The following HIPK2 variants were observed in gnomAD, a reference collection of about 807,000 sequenced individuals.
The protein encoded by HIPK2 is homeodomain interacting protein kinase 2.
Under a neutral mutation model 113.7 loss-of-function variants are expected in HIPK2, and 27 were observed. That is an observed-to-expected ratio of 0.24 (90% CI 0.17 to 0.33). The LOEUF is 0.33. Ranked by LOEUF, HIPK2 falls within the 10% of genes least tolerant of loss-of-function variation. The pLI is 1.00. For synonymous variants in HIPK2, 631 were observed against 642.2 expected (o/e 0.98, Z 0.26); for missense variants, 1,257 against 1,588.0 (o/e 0.79, Z 3.54).
intron 13 of HIPK2, 192 bp downstream of exon 13, chr7:139,583,625 G>A (rs1032665558): frequency 1.6e-4 from 112 of 721,752 alleles, no homozygotes; most frequent in Non-Finnish European, 2.3e-4. Context: ...GAAGGAAAAC[G>A]CTGCTTATAC....
rs760354667 is a variant in HIPK2, at chr7:139,633,950, G to GA, written c.1104-2226dup. 1.2e-3 allele frequency among the ~76,000 whole-genome samples: 146 copies of GA among 126,268 alleles called. 1 individual carries two copies. Among genetic ancestry groups the GA allele is most frequent in the South Asian group, 0.01 (38 of 3,762 alleles). The allele number at this position is 126,268 out of a possible 152,430, so 82.8% of individuals were successfully genotyped here. A position where few individuals can be genotyped will look rare whatever the true frequency, so the allele number is the denominator to read the frequency against. Reference sequence around the variant, plus strand: ...ACAGAGTAAGAGTCCGTCGCAAAAAGAAAAAAAAAAAAAGCCAGGCATGGA... The same window carrying GA: ...ACAGAGTAAGAGTCCGTCGCAAAAAGAAAAAAAAAAAAAAGCCAGGCATGGA... On this transcript the variant is annotated intron_variant, in intron 2 of 14. Transcript: ENST00000406875.
chr7:139,627,536 G>C (rs1481135533), intron 5 of HIPK2, among the ~76,000 whole-genome samples: 1 of 152,148 alleles, frequency 6.6e-6, no homozygotes, highest in East Asian at 1.9e-4. Flanking sequence ...TCTATACTAG[G>C]ATCGACTTTA....
At chr7:139,739,487 T>C (rs2117069327) in intron 1 of HIPK2, among the ~76,000 whole-genome samples, 1 of 151,742 alleles carries the variant, frequency 6.6e-6, no homozygotes, top group East Asian at 1.9e-4. Flanking sequence ...CTCGGGAGGC[T>C]GAGGCAGGAG....
In HIPK2 at chr7:139,564,046, C is replaced by A; in HGVS notation, c.*8881G>T. 2.5e-6 allele frequency: 1 copy of A among 398,050 alleles called. No individual in the cohort carries two copies. The highest frequency in any genetic ancestry group is 4.4e-6 in the Non-Finnish European group (1 of 226,040). 24.7% of individuals were successfully genotyped at this position (398,050 alleles called of 1,614,324 possible). ...TTAGAGTGGGTCTCAATGGACCAGG[C>A]TGAGCTGCCCCTCTGTCTCTGCCTC... On this transcript the variant is annotated 3_prime_UTR_variant, in exon 15 of 15. Transcript: ENST00000406875.
chr7:139,591,412 T>A (rs1211745761), intron 12 of HIPK2, among the ~76,000 whole-genome samples: 2 of 152,180 alleles, frequency 1.3e-5, no homozygotes, highest in African/African-American at 4.8e-5. Flanking sequence ...TTTTGACTCA[T>A]CTTTCCTCAT....
At chr7:139,768,792 C>T (rs942502364) in intron 1 of HIPK2, among the ~76,000 whole-genome samples, 1 of 152,164 alleles carries the variant, frequency 6.6e-6, no homozygotes, top group Admixed American at 6.5e-5. Flanking sequence ...GGAGCCCCAC[C>T]TGGCAGTGCA....
intron 2 of HIPK2, among the ~76,000 whole-genome samples, chr7:139,703,859 C>T (rs1459457078): frequency 0.011 from 66 of 6,120 alleles, 1 homozygote; most frequent in African/African-American, 0.04. Context: ...CTATACCCAA[C>T]CTACACACCC....
intron 2 of HIPK2, among the ~76,000 whole-genome samples, chr7:139,670,712 T>G (rs1229426200): frequency 6.7e-6 from 1 of 149,798 alleles, no homozygotes; most frequent in East Asian, 2.0e-4. Flanking sequence ...TCATTCAAAA[T>G]AGGTTTTATT....
intron 2 of HIPK2, among the ~76,000 whole-genome samples, chr7:139,685,744 T>C (rs1794197359): frequency 6.6e-6 from 1 of 152,246 alleles, no homozygotes; most frequent in African/African-American, 2.4e-5. Flanking sequence ...GTTTAAAGCC[T>C]GGTTTACTGA....
At chr7:139,658,404 ATCAT>A (rs897076673) in intron 2 of HIPK2, among the ~76,000 whole-genome samples, 5 of 152,234 alleles carry the variant, frequency 3.3e-5, no homozygotes, top group Non-Finnish European at 7.3e-5. Flanking sequence ...ACTCACTCAA[ATCAT>A]TCAATGTATG....
intron 2 of HIPK2, among the ~76,000 whole-genome samples, chr7:139,703,259 A>G (rs1794765316): frequency 6.6e-6 from 1 of 152,166 alleles, no homozygotes; most frequent in Admixed American, 6.5e-5. Context: ...CCACCACCAC[A>G]CTGAGAATAC....
rs577540165 is a variant in HIPK2, at chr7:139,733,060, C to G, written c.20-16045G>C. 8.0e-4 allele frequency among the ~76,000 whole-genome samples: 122 copies of G among 152,026 alleles called. 1 individual carries two copies. The highest frequency in any genetic ancestry group is 2.7e-3 in the African/African-American group (113 of 41,456). On this transcript the variant is annotated intron_variant, in intron 1 of 14. Coordinates refer to ENST00000406875, the MANE Select transcript of HIPK2 (RefSeq NM_022740.5). ...GTGGCTTAAAAGTGTGTGGCACCTC[C>G]CCCCTCACTCTCTCTTGCTCCTGCT...
At chr7:139,578,843 G>C (rs1798576145) in intron 13 of HIPK2, among the ~76,000 whole-genome samples, 1 of 151,846 alleles carries the variant, frequency 6.6e-6, no homozygotes. Flanking sequence ...GCTATTTTTT[G>C]TATTTTTTAG....
chr7:139,608,838 C>T (rs930894076), intron 9 of HIPK2, among the ~76,000 whole-genome samples: 2 of 152,162 alleles, frequency 1.3e-5, no homozygotes, highest in Non-Finnish European at 2.9e-5. Flanking sequence ...GAGTGAGAAA[C>T]ATTAAAATTT....
At chr7:139,770,212 A>C (rs1313697461) in intron 1 of HIPK2, among the ~76,000 whole-genome samples, 1 of 152,218 alleles carries the variant, frequency 6.6e-6, no homozygotes, top group East Asian at 1.9e-4. Context: ...AAAATAAACA[A>C]ATTTTAAAAG....
At chr7:139,766,739 A>G (rs1381841710) in intron 1 of HIPK2, among the ~76,000 whole-genome samples, 2 of 152,206 alleles carry the variant, frequency 1.3e-5, no homozygotes, top group Non-Finnish European at 2.9e-5. Context: ...ACATTATTTC[A>G]TATCTCTAAG....
intron 1 of HIPK2, among the ~76,000 whole-genome samples, chr7:139,754,563 CAG>C (rs1407708494): frequency 1.2e-4 from 19 of 152,294 alleles, no homozygotes; most frequent in Middle Eastern, 6.8e-3. Context: ...GTGAGAGAGA[CAG>C]AGAGTGTGTG....
intron 2 of HIPK2, among the ~76,000 whole-genome samples, chr7:139,633,232 A>T (rs907737061): frequency 1.3e-5 from 2 of 151,704 alleles, no homozygotes; most frequent in Non-Finnish European, 2.9e-5. Flanking sequence ...CTACTTTCCT[A>T]CCCTTTCTGC....
intron 13 of HIPK2, 89 bp downstream of exon 13, chr7:139,583,728 G>A: frequency 6.5e-7 from 1 of 1,540,144 alleles, no homozygotes; most frequent in South Asian, 1.2e-5. Context: ...TATTGTACTA[G>A]CTCCCATACA....
Sources: gnomAD v4.1 joint callset for allele counts (sites outside exome capture counted in the v4.1 genomes callset) on GRCh38, gnomAD v4.1.1 for gene constraint, MANE v1.5 for transcripts, NCBI Gene and HGNC (gene_info 2026-07-23, HGNC 2026-07-21) for gene names.